MYO1F: variants seen among roughly 807,000 people sequenced by gnomAD.
MYO1F encodes the protein myosin IF.
MYO1F carries 60 observed loss-of-function variants against 146.6 expected under a neutral mutation model. The ratio of observed to expected loss-of-function variants is 0.41; its 90% CI spans 0.33 to 0.51. The LOEUF is 0.51. Among genes scored for constraint, MYO1F ranks in the 20% least tolerant of loss-of-function variants. MYO1F has a pLI of 0.25. For missense variants in MYO1F, 1,274 were observed against 1,534.3 expected, an observed-to-expected ratio of 0.83 and a Z score of 2.83; for synonymous variants, 602 against 602.1, an observed-to-expected ratio of 1.00 and a Z score of 0.00.
rs181207136 is a variant in MYO1F, at chr19:8,535,400, T to C, written c.2043+852A>G. 5.3e-5 allele frequency among the ~76,000 whole-genome samples: 8 copies of C among 152,288 alleles called. No individual in the cohort carries two copies. In the East Asian group the frequency reaches 7.7e-4, roughly 15 times the overall value. ...TTTTTGTCTAAATTAAATTTTACTTTATATAGTCTTTGCTGGTGATAGTTA... is the reference window on the plus strand; with the variant it reads ...TTTTTGTCTAAATTAAATTTTACTTCATATAGTCTTTGCTGGTGATAGTTA... On this transcript the variant is annotated intron_variant, in intron 19 of 27. Coordinates refer to ENST00000644032, the MANE Select transcript of MYO1F (RefSeq NM_012335.4).
At chr19:8,522,612 G>C (rs776353331) in intron 26 of MYO1F, 22 bp downstream of exon 26, 11 of 1,610,736 alleles carry the variant, frequency 6.8e-6, no homozygotes, top group Non-Finnish European at 7.6e-6. Flanking sequence ...ACCTCCTGGA[G>C]CTGCCCTCCC....
At chr19:8,544,062 G>GTGGTGGTGGTGGTGGTGC in intron 14 of MYO1F, 3 of 599,928 alleles carry the variant, frequency 5.0e-6, no homozygotes. Flanking sequence ...GGTGGTGGTG[G>GTGGTGGTGGTGGTGGTGC]TGGTGGTGTC....
In MYO1F at chr19:8,553,868, T is replaced by TCACACA. The variant is rs374157870; in HGVS notation, c.327-437_327-432dup. Among the ~76,000 whole-genome samples the TCACACA allele has an allele frequency of 2.0e-3, 246 of 121,578 alleles. 3 individuals carry two copies. The highest frequency in any genetic ancestry group is 7.5e-3 in the African/African-American group (218 of 29,208). 79.8% of individuals were successfully genotyped at this position (121,578 alleles called of 152,430 possible). A position where few individuals can be genotyped will look rare whatever the true frequency, so the allele number is the denominator to read the frequency against. On this transcript the variant is annotated intron_variant, in intron 4 of 27. Transcript: ENST00000644032. ...GCCTGGGTGACAGACTGAGACTCTG[T>TCACACA]CACACACACACACACACACACACAC...
At chr19:8,549,259 T>G (rs2145909495) in intron 10 of MYO1F, among the ~76,000 whole-genome samples, 1 of 152,170 alleles carries the variant, frequency 6.6e-6, no homozygotes, top group East Asian at 1.9e-4. Context: ...GCCATACATT[T>G]TATACTTTAT....
intron 1 of MYO1F, among the ~76,000 whole-genome samples, chr19:8,560,044 C>T (rs889292045): frequency 2.3e-4 from 35 of 151,710 alleles, no homozygotes; most frequent in Admixed American, 2.0e-3. Context: ...ATACTGGCAG[C>T]CATCATCACA....
chr19:8,534,344 G>T (rs1972615439), intron 19 of MYO1F, among the ~76,000 whole-genome samples: 1 of 151,220 alleles, frequency 6.6e-6, no homozygotes, highest in Non-Finnish European at 1.5e-5. Context: ...GTCTCACTTT[G>T]TCCCCCAGGC....
At chr19:8,563,391 G>A (rs557590823) in intron 1 of MYO1F, among the ~76,000 whole-genome samples, 3 of 150,550 alleles carry the variant, frequency 2.0e-5, no homozygotes, top group African/African-American at 2.4e-5. Flanking sequence ...TCTGCTTCCC[G>A]GATTCAAGCG....
chr19:8,537,304 C>T (rs757673469), intron 16 of MYO1F, among the ~76,000 whole-genome samples: 2 of 152,162 alleles, frequency 1.3e-5, no homozygotes, highest in African/African-American at 4.8e-5. Flanking sequence ...CTCACGTCTA[C>T]CGCACTCACC....
chr19:8,570,433 A>G (rs1555731587), intron 1 of MYO1F, among the ~76,000 whole-genome samples: 1 of 146,360 alleles, frequency 6.8e-6, no homozygotes, highest in African/African-American at 2.6e-5. Flanking sequence ...GTGCAGTGGC[A>G]TGACCTTGGC....
At chr19:8,528,334 C>T (rs1599917136) in intron 21 of MYO1F, among the ~76,000 whole-genome samples, 2 of 152,196 alleles carry the variant, frequency 1.3e-5, no homozygotes, top group South Asian at 2.1e-4. Flanking sequence ...TGAGACCATC[C>T]TGGCTAATAC....
At chr19:8,560,794 A>C (rs1315993633) in intron 1 of MYO1F, among the ~76,000 whole-genome samples, 4 of 145,344 alleles carry the variant, frequency 2.8e-5, no homozygotes, top group African/African-American at 1.0e-4. Flanking sequence ...GCTGGAGCGC[A>C]GTGGCACGAT....
At position 8,527,364 on chromosome 19, in the gene MYO1F, G is replaced by A. The variant is rs1342819672; in HGVS notation, c.2448C>T (p.Ile816=). 2 of 1,614,112 alleles carry A rather than the reference G, an allele frequency of 1.2e-6. No homozygotes were observed. Among genetic ancestry groups the A allele is most frequent in the South Asian group, 1.1e-5 (1 of 91,084 alleles). ...TGAGGGAGACTCCCCGCAGAGCCTG[G>A]ATGTCCACTTTCTTCTTCAAGACTT... The part of the protein sequence containing the change: ...VCEVLKKKVD[I]QALRGVSLST... Residue 816 remains isoleucine (I), a synonymous_variant, in exon 22 of 28, where the codon ATC becomes ATT. Transcript: ENST00000644032.
chr19:8,534,560 C>G (rs1375992863), intron 19 of MYO1F, among the ~76,000 whole-genome samples: 1 of 152,002 alleles, frequency 6.6e-6, no homozygotes, highest in Non-Finnish European at 1.5e-5. Context: ...ACCACCCTGG[C>G]CTCCCAAAGT....
intron 24 of MYO1F, 24 bp downstream of exon 24, chr19:8,526,429 T>C (rs781696276): frequency 2.7e-5 from 42 of 1,550,262 alleles, no homozygotes; most frequent in Non-Finnish European, 3.2e-5. Context: ...CCGCCCCCTC[T>C]GCCCTAGTTC....
At chr19:8,571,178 C>G (rs145631384) in intron 1 of MYO1F, among the ~76,000 whole-genome samples, 1 of 152,200 alleles carries the variant, frequency 6.6e-6, no homozygotes, top group Admixed American at 6.5e-5. Flanking sequence ...CCAGGTCCTG[C>G]GAGCTGTGGT....
chr19:8,541,890 G>C lies in MYO1F; in HGVS notation c.1610+16C>G, dbSNP rs747404703. ...GGGGGTTGTAGCCGGAGGTCCCCAT[G>C]CCTGGGACCACTCACTGCTCACTGG... On this transcript the variant is annotated intron_variant, in intron 15 of 27. Transcript: ENST00000644032. 2 of 1,607,458 alleles carry C rather than the reference G, an allele frequency of 1.2e-6. No homozygotes were observed. The highest frequency in any genetic ancestry group is 1.7e-6 in the Non-Finnish European group (2 of 1,174,680).
chr19:8,550,458 A>AT (rs1189153679), intron 9 of MYO1F, 102 bp from the exon 10 acceptor site: 2 of 1,601,742 alleles, frequency 1.2e-6, no homozygotes, highest in Admixed American at 3.4e-5. Context: ...TGACACCCAC[A>AT]TTTTTTTCCT....
chr19:8,569,573 A>T (rs2145979645), intron 1 of MYO1F, among the ~76,000 whole-genome samples: 1 of 152,136 alleles, frequency 6.6e-6, no homozygotes, highest in South Asian at 2.1e-4. Flanking sequence ...GACCAGGCTT[A>T]GGTGGACCAG....
intron 4 of MYO1F, among the ~76,000 whole-genome samples, chr19:8,553,909 C>CTCTCTCTCTT (rs1973728144): frequency 2.6e-5 from 4 of 151,020 alleles, no homozygotes; most frequent in African/African-American, 9.7e-5. Context: ...CTCTCTCTCT[C>CTCTCTCTCTT]TCTCTCTCTC....
Sources: gnomAD v4.1 joint callset for allele counts (sites outside exome capture counted in the v4.1 genomes callset) on GRCh38, gnomAD v4.1.1 for gene constraint, MANE v1.5 for transcripts, NCBI Gene and HGNC (gene_info 2026-07-23, HGNC 2026-07-21) for gene names.